The following GUCY1A2 variants were observed in gnomAD, a reference collection of about 807,000 sequenced individuals.
GUCY1A2 encodes guanylate cyclase 1 soluble subunit alpha 2.
A neutral mutation model predicts 63.5 loss-of-function variants in GUCY1A2; 27 were observed. That is an observed-to-expected ratio of 0.43 (90% CI 0.31 to 0.59). GUCY1A2 has a LOEUF of 0.59. Among genes scored for constraint, GUCY1A2 ranks in the 20% least tolerant of loss-of-function variants. GUCY1A2 has a pLI of 0.11. For synonymous variants in GUCY1A2, 364 were observed against 343.5 expected (o/e 1.06, Z -0.66); for missense variants, 768 against 913.3 (o/e 0.84, Z 2.05).
chr11:106,787,645 TCTGTGC>T (rs1254898164), intron 5 of GUCY1A2, among the ~76,000 whole-genome samples: 1 of 133,720 alleles, frequency 7.5e-6, no homozygotes, highest in East Asian at 2.3e-4. Flanking sequence ...AGTTTGTCTT[TCTGTGC>T]CTGGCTTGTT....
chr11:106,851,106 A>C (rs920503340), intron 4 of GUCY1A2, among the ~76,000 whole-genome samples: 1 of 151,692 alleles, frequency 6.6e-6, no homozygotes, highest in Non-Finnish European at 1.5e-5. Context: ...TGAATGCTTT[A>C]TTCATATATT....
At chr11:106,828,556 CAT>C (rs1859008529) in intron 4 of GUCY1A2, among the ~76,000 whole-genome samples, 2 of 152,150 alleles carry the variant, frequency 1.3e-5, no homozygotes, top group South Asian at 2.1e-4. Context: ...AACACCTACA[CAT>C]GATTCAAAAT....
intron 5 of GUCY1A2, among the ~76,000 whole-genome samples, chr11:106,787,595 A>AAGGGGAGGGTGAGGGAGGGGGGAGG (rs1565289908): frequency 3.4e-4 from 30 of 87,804 alleles, no homozygotes; most frequent in Non-Finnish European, 4.8e-4. Flanking sequence ...AAAGGAAGGG[A>AAGGGGAGGGTGAGGGAGGGGGGAGG]AGGGAAAAAG....
At chr11:106,895,027 A>G (rs1860027325) in intron 4 of GUCY1A2, among the ~76,000 whole-genome samples, 1 of 152,216 alleles carries the variant, frequency 6.6e-6, no homozygotes, top group African/African-American at 2.4e-5. Context: ...TAAGAAAAAA[A>G]GAGAAGGGAT....
intron 6 of GUCY1A2, among the ~76,000 whole-genome samples, chr11:106,746,018 T>G (rs1863780843): frequency 1.3e-5 from 2 of 152,164 alleles, no homozygotes; most frequent in South Asian, 4.1e-4. Flanking sequence ...TTAGCCCCAC[T>G]ACCAGGACAA....
chr11:106,854,718 G>A (rs1016753335), intron 4 of GUCY1A2, among the ~76,000 whole-genome samples: 1 of 152,130 alleles, frequency 6.6e-6, no homozygotes, highest in Non-Finnish European at 1.5e-5. Flanking sequence ...TATCCGGAGG[G>A]TGTATGTGGG....
chr11:106,996,549 A>G (rs1169773559), intron 1 of GUCY1A2, among the ~76,000 whole-genome samples: 1 of 152,224 alleles, frequency 6.6e-6, no homozygotes, highest in East Asian at 1.9e-4. Context: ...TAGTCTGATC[A>G]GGTAAGAAAT....
intron 4 of GUCY1A2, among the ~76,000 whole-genome samples, chr11:106,835,936 A>T (rs1248291932): frequency 6.6e-6 from 1 of 152,030 alleles, no homozygotes; most frequent in Non-Finnish European, 1.5e-5. Context: ...GAATGGGACG[A>T]ATGTAGGTAA....
intron 4 of GUCY1A2, among the ~76,000 whole-genome samples, chr11:106,935,560 C>T (rs1860664390): frequency 6.6e-6 from 1 of 152,094 alleles, no homozygotes; most frequent in African/African-American, 2.4e-5. Context: ...AGCTTCATGG[C>T]CAAGTGCGGT....
At chr11:106,856,864 T>C (rs1447714482) in intron 4 of GUCY1A2, among the ~76,000 whole-genome samples, 4 of 152,208 alleles carry the variant, frequency 2.6e-5, no homozygotes, top group Non-Finnish European at 5.9e-5. Context: ...GGTGTCTTTA[T>C]AAGAAATGCA....
intron 3 of GUCY1A2, among the ~76,000 whole-genome samples, chr11:106,945,391 CA>C (rs202179958): frequency 3.2e-4 from 10 of 31,018 alleles, no homozygotes; most frequent in African/African-American, 5.0e-4. Context: ...AAAACAAAAA[CA>C]AAAAAAACAA....
At chr11:106,723,597 G>A (rs1285003602) in intron 6 of GUCY1A2, among the ~76,000 whole-genome samples, 1 of 152,170 alleles carries the variant, frequency 6.6e-6, no homozygotes, top group African/African-American at 2.4e-5. Context: ...GGCCAAGGAG[G>A]ACAGATCACC....
intron 7 of GUCY1A2, among the ~76,000 whole-genome samples, chr11:106,697,940 T>A (rs944317365): frequency 6.6e-6 from 1 of 152,016 alleles, no homozygotes; most frequent in Admixed American, 6.6e-5. Flanking sequence ...TCTTCTCTTA[T>A]GGTCATTTCA....
At chr11:106,763,445 C>T (rs10890584) in intron 6 of GUCY1A2, among the ~76,000 whole-genome samples, 22,559 of 152,006 alleles carry the variant, frequency 0.15, 3,183 homozygotes, top group African/African-American at 0.37. Flanking sequence ...GTGGGAGGAA[C>T]AGAACCTGTG....
chr11:106,709,333 A>AAT (rs77239725), intron 6 of GUCY1A2, among the ~76,000 whole-genome samples: 51,219 of 96,222 alleles, frequency 0.53, 14,554 homozygotes, highest in African/African-American at 0.74. Flanking sequence ...ATATTATATA[A>AAT]ATATATATAA....
chr11:106,889,040 A>T (rs1342043851), intron 4 of GUCY1A2, among the ~76,000 whole-genome samples: 2 of 152,216 alleles, frequency 1.3e-5, no homozygotes, highest in Non-Finnish European at 2.9e-5. Flanking sequence ...AGATTAAAAA[A>T]ATTACAATGC....
At chr11:106,751,176 C>G (rs1863876171) in intron 6 of GUCY1A2, among the ~76,000 whole-genome samples, 1 of 152,010 alleles carries the variant, frequency 6.6e-6, no homozygotes, top group Non-Finnish European at 1.5e-5. Context: ...AATGTTAAAT[C>G]TAACAACTAG....
intron 3 of GUCY1A2, among the ~76,000 whole-genome samples, chr11:106,958,633 A>G (rs1208616070): frequency 1.4e-5 from 2 of 138,952 alleles, no homozygotes; most frequent in African/African-American, 5.4e-5. Flanking sequence ...AGGGTACACT[A>G]GGAAACACAC....
chr11:107,015,771 A>G lies in GUCY1A2; in HGVS notation c.303+1982T>C, dbSNP rs1861815197. Among the ~76,000 whole-genome samples the G allele has an allele frequency of 3.9e-5, 6 of 152,110 alleles. No individual in the cohort carries two copies. In the South Asian group the frequency reaches 1.2e-3, roughly 32 times the overall value. On this transcript the variant is annotated intron_variant, in intron 1 of 7. Coordinates refer to ENST00000526355, the MANE Select transcript of GUCY1A2 (RefSeq NM_000855.3). ...GTCATTGGACTCCTGTTGTAAATAA[A>G]TATTTTCAACAATTTGCAACATCAA...
Sources: allele counts gnomAD v4.1 joint callset (sites outside exome capture counted in the v4.1 genomes callset), GRCh38; gene constraint gnomAD v4.1.1; transcripts MANE v1.5; gene names NCBI Gene and HGNC (gene_info 2026-07-23, HGNC 2026-07-21).